Variants in DNAH7 observed in about 807,000 individuals in gnomAD.
DNAH7 encodes dynein axonemal heavy chain 7.
Under a neutral mutation model 444.6 loss-of-function variants are expected in DNAH7, and 397 were observed. The ratio of observed to expected loss-of-function variants is 0.89; its 90% confidence interval spans 0.82 to 0.97. DNAH7 has a LOEUF of 0.97. DNAH7 is among the 50% of genes least tolerant of loss of function. The probability of loss-of-function intolerance (pLI) is 0.00; values close to 1 mark genes in which losing one functional copy is unlikely to be tolerated. For missense variants in DNAH7, 4,902 were observed against 4,800.8 expected (o/e 1.02, Z -0.62); for synonymous variants, 1,636 against 1,624.4 (o/e 1.01, Z -0.17).
At chr2:195,861,615 A>AT in intron 42 of DNAH7, 102 bp downstream of exon 42, 1 of 809,526 alleles carries the variant, frequency 1.2e-6, no homozygotes, top group Non-Finnish European at 1.9e-6. Context: ...CTTACAGTAT[A>AT]TTTCTACGAA....
intron 5 of DNAH7, among the ~76,000 whole-genome samples, chr2:196,036,177 G>A (rs1313619232): frequency 6.6e-6 from 1 of 151,992 alleles, no homozygotes; most frequent in African/African-American, 2.4e-5. Flanking sequence ...AACTACAGGT[G>A]CCCGCCACCA....
chr2:196,058,856 G>A (rs912165186), intron 1 of DNAH7, among the ~76,000 whole-genome samples: 4 of 152,250 alleles, frequency 2.6e-5, no homozygotes, highest in African/African-American at 9.6e-5. Flanking sequence ...ACATGGAAAT[G>A]TATCAAGAAG....
At chr2:195,929,967 T>C (rs1202805823) in intron 21 of DNAH7, among the ~76,000 whole-genome samples, 2 of 152,222 alleles carry the variant, frequency 1.3e-5, no homozygotes, top group Non-Finnish European at 2.9e-5. Flanking sequence ...ATTCACAAAC[T>C]ATGTATCTGA....
chr2:196,064,271 G>A (rs1374125793), intron 1 of DNAH7, among the ~76,000 whole-genome samples: 3 of 151,682 alleles, frequency 2.0e-5, no homozygotes, highest in East Asian at 1.9e-4. Flanking sequence ...AGCCAAGATC[G>A]TGCCACTGCA....
intron 15 of DNAH7, among the ~76,000 whole-genome samples, chr2:195,982,800 G>A (rs1692662476): frequency 6.6e-6 from 1 of 152,172 alleles, no homozygotes; most frequent in Admixed American, 6.5e-5. Context: ...GTGGAGAATA[G>A]AAGGATGGTT....
intron 58 of DNAH7, among the ~76,000 whole-genome samples, chr2:195,779,243 T>C (rs1695257293): frequency 6.6e-6 from 1 of 152,256 alleles, no homozygotes; most frequent in African/African-American, 2.4e-5. Context: ...TTTCTAATAT[T>C]AAACACTTTC....
chr2:196,017,595 A>C (rs1247672526), intron 9 of DNAH7, among the ~76,000 whole-genome samples: 1 of 152,104 alleles, frequency 6.6e-6, no homozygotes, highest in African/African-American at 2.4e-5. Flanking sequence ...CAAATATTAC[A>C]AGAAAAAAAT....
intron 10 of DNAH7, among the ~76,000 whole-genome samples, chr2:196,009,361 A>G (rs550605251): frequency 6.6e-6 from 1 of 152,346 alleles, no homozygotes; most frequent in South Asian, 2.1e-4. Flanking sequence ...TTATTTCTCA[A>G]TAAAAAAAGA....
intron 24 of DNAH7, among the ~76,000 whole-genome samples, chr2:195,911,525 A>G (rs1209005669): frequency 1.3e-5 from 2 of 152,184 alleles, no homozygotes; most frequent in African/African-American, 4.8e-5. Flanking sequence ...AAAAGGCCCA[A>G]ATAGGATAAA....
chr2:195,920,477 T>C (rs757681338), intron 24 of DNAH7, among the ~76,000 whole-genome samples: 4 of 152,128 alleles, frequency 2.6e-5, no homozygotes, highest in Non-Finnish European at 4.4e-5. Flanking sequence ...GGAAAGGACA[T>C]GCTATTCAAC....
chr2:196,013,219 GA>G (rs1352616733), intron 9 of DNAH7, among the ~76,000 whole-genome samples: 1 of 152,158 alleles, frequency 6.6e-6, no homozygotes, highest in Non-Finnish European at 1.5e-5. Flanking sequence ...GGAAAAGAGG[GA>G]GGGCTCAATG....
intron 5 of DNAH7, among the ~76,000 whole-genome samples, chr2:196,029,697 C>A (rs1354735261): frequency 6.6e-6 from 1 of 152,150 alleles, no homozygotes; most frequent in Non-Finnish European, 1.5e-5. Flanking sequence ...CTTGGTCATA[C>A]AGCTAATTAA....
At chr2:195,994,005 CAGG>C (rs886292876) in intron 12 of DNAH7, among the ~76,000 whole-genome samples, 2 of 152,156 alleles carry the variant, frequency 1.3e-5, no homozygotes, top group Non-Finnish European at 1.5e-5. Flanking sequence ...CTGACTTATC[CAGG>C]AGATCATGGA....
chr2:195,976,712 G>A (rs1452810514), intron 15 of DNAH7, among the ~76,000 whole-genome samples: 1 of 114,896 alleles, frequency 8.7e-6, no homozygotes, highest in Non-Finnish European at 1.9e-5. Context: ...CCAGTTCCAG[G>A]CAGCTTAGCA....
chr2:195,797,642 C>T (rs1696224109), intron 55 of DNAH7, among the ~76,000 whole-genome samples: 1 of 152,202 alleles, frequency 6.6e-6, no homozygotes, highest in East Asian at 1.9e-4. Context: ...TCTACTCCTA[C>T]CCACCATTGC....
At chr2:195,948,250 A>G (rs1424320889) in intron 19 of DNAH7, among the ~76,000 whole-genome samples, 1 of 151,974 alleles carries the variant, frequency 6.6e-6, no homozygotes, top group East Asian at 1.9e-4. Flanking sequence ...CTGCCTGTTT[A>G]CTCTGATGAT....
intron 49 of DNAH7, among the ~76,000 whole-genome samples, chr2:195,818,352 C>T (rs1697315878): frequency 6.6e-6 from 1 of 152,154 alleles, no homozygotes; most frequent in Admixed American, 6.5e-5. Context: ...TGATAATCAG[C>T]CACTATTGTG....
chr2:195,788,595 T>A (rs987190959), intron 57 of DNAH7, among the ~76,000 whole-genome samples: 2 of 152,168 alleles, frequency 1.3e-5, no homozygotes, highest in Non-Finnish European at 2.9e-5. Flanking sequence ...AAAAGTTGCA[T>A]AAATTTAACC....
intron 10 of DNAH7, among the ~76,000 whole-genome samples, chr2:196,009,102 T>A (rs1694566019): frequency 3.3e-5 from 5 of 152,134 alleles, no homozygotes; most frequent in Admixed American, 3.3e-4. Flanking sequence ...TCACTTATTA[T>A]CATGAGGACA....
Sources: gnomAD v4.1 joint callset for allele counts (sites outside exome capture counted in the v4.1 genomes callset) on GRCh38, gnomAD v4.1.1 for gene constraint, MANE v1.5 for transcripts, NCBI Gene and HGNC (gene_info 2026-07-23, HGNC 2026-07-21) for gene names.